SRP72: variants seen among roughly 807,000 people sequenced by gnomAD.
SRP72 encodes the protein signal recognition particle 72.
A neutral mutation model predicts 96.3 loss-of-function variants in SRP72; 49 were observed. The observed-to-expected ratio is 0.51, with a 90% CI of 0.40 to 0.65. The LOEUF (loss-of-function observed/expected upper bound fraction) is 0.65. Among genes scored for constraint, SRP72 ranks in the 30% least tolerant of loss-of-function variants. SRP72 has a pLI of 0.00. For missense variants in SRP72, 736 were observed against 793.3 expected (o/e 0.93, Z 0.87); for synonymous variants, 267 against 275.2 (o/e 0.97, Z 0.30).
intron 3 of SRP72, among the ~76,000 whole-genome samples, chr4:56,473,547 T>C (rs774865203): frequency 6.6e-5 from 10 of 151,278 alleles, no homozygotes; most frequent in Non-Finnish European, 1.5e-4. Context: ...GGTGGGCGGA[T>C]CACTTGAGGT....
chr4:56,480,802 C>T (rs1720452911), intron 8 of SRP72, among the ~76,000 whole-genome samples: 1 of 152,082 alleles, frequency 6.6e-6, no homozygotes. Flanking sequence ...TGTCCGTATA[C>T]TTTATAACTA....
chr4:56,491,954 G>A (rs747523735), intron 16 of SRP72, among the ~76,000 whole-genome samples: 6 of 152,006 alleles, frequency 3.9e-5, no homozygotes, highest in East Asian at 1.9e-4. Context: ...TCCGCCTCCC[G>A]GGTTCAAGCA....
chr4:56,495,007 G>T (rs1308375831), intron 16 of SRP72, among the ~76,000 whole-genome samples: 1 of 152,046 alleles, frequency 6.6e-6, no homozygotes, highest in Admixed American at 6.6e-5. Context: ...CTAAAGTCTT[G>T]CCAAACATAG....
rs138217326 is a variant in SRP72 at position 56,483,643 on chromosome 4, T to C, written c.957+373T>C. The stretch of plus-strand genomic sequence containing the variant: ...GAGATTGTGCCACTTCACTCCAGCC[T>C]GGGCAACAGAGAGAGACTGTCTCCA... On this transcript the variant is annotated intron_variant, in intron 9 of 18. Coordinates refer to ENST00000642900, the MANE Select transcript of SRP72 (RefSeq NM_006947.4). Among the ~76,000 whole-genome samples the C allele has an allele frequency of 4.7e-4, 71 of 151,262 alleles. 1 individual carries two copies. The East Asian group carries it at 0.013, about 28-fold the overall frequency.
intron 12 of SRP72, among the ~76,000 whole-genome samples, chr4:56,488,647 A>G (rs1277785211): frequency 6.6e-6 from 1 of 152,226 alleles, no homozygotes; most frequent in African/African-American, 2.4e-5. Context: ...CTAATATTTA[A>G]TATATGACCA....
chr4:56,490,935 A>T (rs1180685418), intron 15 of SRP72, among the ~76,000 whole-genome samples: 1 of 152,238 alleles, frequency 6.6e-6, no homozygotes, highest in Non-Finnish European at 1.5e-5. Flanking sequence ...AGCATATTTT[A>T]TGTGGGTACT....
chr4:56,496,084 A>C (rs1181064460), intron 17 of SRP72, among the ~76,000 whole-genome samples: 1 of 152,148 alleles, frequency 6.6e-6, no homozygotes, highest in Non-Finnish European at 1.5e-5. Context: ...ATGTGCATTG[A>C]TTGGCTTGGA....
At chr4:56,469,809 G>A in intron 2 of SRP72, 36 bp downstream of exon 2, 1 of 1,551,448 alleles carries the variant, frequency 6.4e-7, no homozygotes, top group Non-Finnish European at 8.8e-7. Flanking sequence ...ACAGTTATTA[G>A]AAACACTTAC....
At chr4:56,500,783 A>G (rs1434359561) in intron 18 of SRP72, 88 bp downstream of exon 18, 2 of 1,248,506 alleles carry the variant, frequency 1.6e-6, no homozygotes, top group African/African-American at 3.0e-5. Context: ...TTGTTAATAT[A>G]AAGTATGAGA....
At position 56,470,392 on chromosome 4, in the gene SRP72, T is replaced by A. The variant is rs1002453014; in HGVS notation, c.230+619T>A. Among the ~76,000 whole-genome samples, 3 of 152,082 alleles carry A rather than the reference T, an allele frequency of 2.0e-5. No homozygotes were observed. In the South Asian group the frequency reaches 6.2e-4, roughly 32 times the overall value. ...CATGTCTACTGAAGATACAAAAAAT[T>A]AGCTGGGTATGGTGGTGTGCACCTG... On this transcript the variant is annotated intron_variant, in intron 2 of 18. Coordinates refer to ENST00000642900, the MANE Select transcript of SRP72 (RefSeq NM_006947.4).
intron 3 of SRP72, 58 bp from the exon 4 acceptor site, chr4:56,473,994 GAT>G (rs1219899165): frequency 3.3e-6 from 5 of 1,531,206 alleles, no homozygotes; most frequent in Non-Finnish European, 4.4e-6. Flanking sequence ...AGGTTTGCAT[GAT>G]ATTAAAGACA....
rs921430583 is a variant in SRP72, at chr4:56,502,181, C to T, written c.*320C>T. 8.6e-6 allele frequency: 2 copies of T among 233,530 alleles called. No homozygotes were observed. Among genetic ancestry groups the T allele is most frequent in the Non-Finnish European group, 1.7e-5 (2 of 117,142 alleles). The allele number at this position is 233,530 out of a possible 1,614,324, so 14.5% of individuals were successfully genotyped here. ...TTCACATACCTTATCTAAGGTTTCC[C>T]AGGATTTAAACAGAAACTACTTCTA... On this transcript the variant is annotated 3_prime_UTR_variant, in exon 19 of 19. Coordinates refer to ENST00000642900, the MANE Select transcript of SRP72 (RefSeq NM_006947.4).
intron 3 of SRP72, 24 bp from the exon 4 acceptor site, chr4:56,474,030 T>C (rs1211087858): frequency 6.3e-7 from 1 of 1,597,642 alleles, no homozygotes; most frequent in Non-Finnish European, 8.5e-7. Flanking sequence ...GTCTCTGATT[T>C]TTTACTTGCT....
At chr4:56,478,991 A>G (rs1381068593) in intron 8 of SRP72, among the ~76,000 whole-genome samples, 3 of 152,090 alleles carry the variant, frequency 2.0e-5, no homozygotes, top group African/African-American at 4.8e-5. Flanking sequence ...TTCTTCGTCT[A>G]TGGAATCTGA....
chr4:56,476,837 C>T, intron 6 of SRP72, 135 bp downstream of exon 6: 1 of 802,828 alleles, frequency 1.2e-6, no homozygotes, highest in South Asian at 1.8e-5. Context: ...TAGAAACCAC[C>T]CTCTAGTATC....
chr4:56,473,066 A>G (rs1173290413), intron 3 of SRP72, among the ~76,000 whole-genome samples: 1 of 152,106 alleles, frequency 6.6e-6, no homozygotes, highest in Non-Finnish European at 1.5e-5. Flanking sequence ...TATTTTAGTA[A>G]TCATTTTGTG....
intron 18 of SRP72, 88 bp from the exon 19 acceptor site, chr4:56,501,596 G>T (rs577028255): frequency 2.2e-5 from 25 of 1,122,386 alleles, no homozygotes; most frequent in Admixed American, 5.2e-5. Context: ...AGATTGTTAA[G>T]TGTGATAAGT....
chr4:56,469,930 G>A (rs1031560056), intron 2 of SRP72, among the ~76,000 whole-genome samples, 157 bp downstream of exon 2: 5 of 147,154 alleles, frequency 3.4e-5, no homozygotes, highest in Non-Finnish European at 7.4e-5. Context: ...TTTCTGAACT[G>A]GAAGGAATAC....
chr4:56,492,147 A>G (rs930337757), intron 16 of SRP72, among the ~76,000 whole-genome samples: 1 of 152,186 alleles, frequency 6.6e-6, no homozygotes, highest in Admixed American at 6.5e-5. Context: ...GGAGGATTGT[A>G]TTGTACTTAG....
Sources: allele counts gnomAD v4.1 joint callset (sites outside exome capture counted in the v4.1 genomes callset), GRCh38; gene constraint gnomAD v4.1.1; transcripts MANE v1.5; gene names NCBI Gene and HGNC (gene_info 2026-07-23, HGNC 2026-07-21).